PGCKA1: variants seen among roughly 807,000 people sequenced by gnomAD.
PGCKA1 encodes the protein PDCD10 and GCKIII kinases associated 1.
At chr4:37,590,864 G>A in the PGCKA1 span, 1 of 1,614,224 alleles carries the variant, frequency 6.2e-7, no homozygotes, top group South Asian at 1.1e-5. Context: ...GTTGACTCAG[G>A]AAACAGGCAG....
chr4:37,491,223 G>C, the PGCKA1 span, among the ~76,000 whole-genome samples: 1 of 152,026 alleles, frequency 6.6e-6, no homozygotes, highest in Admixed American at 6.6e-5. Context: ...TTTTTTACTT[G>C]GGATATTGTA....
At chr4:37,468,021 T>A in the PGCKA1 span, among the ~76,000 whole-genome samples, 201 of 152,358 alleles carry the variant, frequency 1.3e-3, no homozygotes, top group African/African-American at 4.7e-3. Context: ...TAATTGGTTA[T>A]GCTGGGGAAA....
the PGCKA1 span, among the ~76,000 whole-genome samples, chr4:37,542,982 C>T: frequency 4.2e-3 from 640 of 152,262 alleles, 27 homozygotes; most frequent in East Asian, 0.093. Context: ...TGAACTGGCT[C>T]ATTCAGAAGC....
chr4:37,457,234 CT>C, the PGCKA1 span, among the ~76,000 whole-genome samples: 7 of 152,210 alleles, frequency 4.6e-5, no homozygotes, highest in Non-Finnish European at 1.5e-5. Flanking sequence ...AGCTTAACTC[CT>C]TCTGGGAGTA....
the PGCKA1 span, among the ~76,000 whole-genome samples, chr4:37,478,585 CTT>C: frequency 6.6e-6 from 1 of 152,178 alleles, no homozygotes; most frequent in African/African-American, 2.4e-5. Context: ...TAAAGAGACT[CTT>C]TACGCTTCTG....
At chr4:37,529,044 TC>T in the PGCKA1 span, among the ~76,000 whole-genome samples, 7 of 152,244 alleles carry the variant, frequency 4.6e-5, no homozygotes, top group African/African-American at 1.7e-4. Context: ...ATTTGGTTTA[TC>T]ATATTTGTGC....
the PGCKA1 span, among the ~76,000 whole-genome samples, chr4:37,472,497 A>C: frequency 1.9e-3 from 293 of 152,328 alleles, no homozygotes; most frequent in African/African-American, 6.5e-3. Flanking sequence ...TTATTTAAAA[A>C]TAAAATAATA....
the PGCKA1 span, among the ~76,000 whole-genome samples, chr4:37,457,397 G>A: frequency 6.6e-6 from 1 of 152,328 alleles, no homozygotes; most frequent in Admixed American, 6.5e-5. Context: ...TGACGTGTGA[G>A]AGGCTATACA....
the PGCKA1 span, among the ~76,000 whole-genome samples, chr4:37,479,151 T>A: frequency 6.6e-6 from 1 of 152,234 alleles, no homozygotes; most frequent in Non-Finnish European, 1.5e-5. Context: ...ATGGTACTAG[T>A]CTTTCAAGTC....
chr4:37,505,990 G>A, the PGCKA1 span, among the ~76,000 whole-genome samples: 3 of 152,170 alleles, frequency 2.0e-5, no homozygotes, highest in African/African-American at 7.2e-5. Context: ...TCAGGTTTTG[G>A]ATTTCTTCAT....
the PGCKA1 span, among the ~76,000 whole-genome samples, chr4:37,477,480 C>T: frequency 0.013 from 1,974 of 152,098 alleles, 62 homozygotes; most frequent in East Asian, 0.11. Flanking sequence ...ATTGTGGTAA[C>T]GGTGGCACAA....
the PGCKA1 span, among the ~76,000 whole-genome samples, chr4:37,469,789 G>A: frequency 6.6e-6 from 1 of 152,124 alleles, no homozygotes; most frequent in African/African-American, 2.4e-5. Context: ...AAAATATGTT[G>A]GATGGACAAC....
the PGCKA1 span, among the ~76,000 whole-genome samples, chr4:37,571,746 C>T: frequency 6.6e-6 from 1 of 151,798 alleles, no homozygotes; most frequent in Non-Finnish European, 1.5e-5. Flanking sequence ...ACCGTGTTAG[C>T]CAGGATGGTC....
the PGCKA1 span, among the ~76,000 whole-genome samples, chr4:37,491,602 C>T: frequency 2.0e-5 from 3 of 152,126 alleles, no homozygotes; most frequent in Non-Finnish European, 4.4e-5. Flanking sequence ...CTTATCAATT[C>T]TTATCAGGTA....
At chr4:37,481,464 CAAAAAAAAAAAAAAAAAAAAAAAA>C in the PGCKA1 span, among the ~76,000 whole-genome samples, 17 of 61,418 alleles carry the variant, frequency 2.8e-4, no homozygotes, top group Admixed American at 6.2e-4. Flanking sequence ...GACCTGTCTC[CAAAAAAAAAAAAAAAAAAAAAAAA>C]AAAAAAAAAA....
the PGCKA1 span, among the ~76,000 whole-genome samples, chr4:37,565,513 TC>T: frequency 6.6e-6 from 1 of 152,002 alleles, no homozygotes; most frequent in Non-Finnish European, 1.5e-5. Flanking sequence ...GACACCTTCC[TC>T]CCCCAGGCTC....
chr4:37,566,282 A>ATT, the PGCKA1 span, among the ~76,000 whole-genome samples: 58 of 145,872 alleles, frequency 4.0e-4, no homozygotes, highest in African/African-American at 1.4e-3. Context: ...TTTTTATTTT[A>ATT]TTTTTTTTTG....
the PGCKA1 span, among the ~76,000 whole-genome samples, chr4:37,549,407 C>T: frequency 1.2e-4 from 18 of 152,318 alleles, no homozygotes; most frequent in African/African-American, 4.1e-4. Flanking sequence ...GGCCAGTGGC[C>T]TATCTCTCAA....
chr4:37,511,301 A>C, the PGCKA1 span, among the ~76,000 whole-genome samples: 1 of 152,050 alleles, frequency 6.6e-6, no homozygotes, highest in South Asian at 2.1e-4. Flanking sequence ...ACTGCTAGGA[A>C]TGTGCTGCAT....
Sources: gnomAD v4.1 joint callset for allele counts (sites outside exome capture counted in the v4.1 genomes callset) on GRCh38, gnomAD v4.1.1 for gene constraint, MANE v1.5 for transcripts, NCBI Gene and HGNC (gene_info 2026-07-23, HGNC 2026-07-21) for gene names.